SLC13A2: variants seen among roughly 807,000 people sequenced by gnomAD.
SLC13A2 encodes Na(+)-coupled citrate transporter.
In SLC13A2, 40 loss-of-function variants were observed where a neutral mutation model predicts 58.5. The ratio of observed to expected loss-of-function variants is 0.68; its 90% CI spans 0.53 to 0.89. The LOEUF (loss-of-function observed/expected upper bound fraction) is 0.89. Among genes scored for constraint, SLC13A2 ranks in the 40% least tolerant of loss-of-function variants. The probability of loss-of-function intolerance (pLI) is 0.00; values close to 1 mark genes in which losing one functional copy is unlikely to be tolerated. For missense variants in SLC13A2, 694 were observed against 772.6 expected (o/e 0.90, Z 1.21); for synonymous variants, 341 against 331.6 (o/e 1.03, Z -0.31).
intron 9 of SLC13A2, among the ~76,000 whole-genome samples, chr17:28,495,173 C>T (rs77308736): frequency 0.019 from 2,936 of 152,296 alleles, 92 homozygotes; most frequent in African/African-American, 0.067. Flanking sequence ...GGCAAGACCT[C>T]GGAGCTCTTC....
In SLC13A2 at chr17:28,497,280, A is replaced by G; in HGVS notation, c.*11A>G. 6.2e-7 allele frequency: 1 copy of G among 1,608,382 alleles called. No homozygotes were observed. The highest frequency in any genetic ancestry group is 1.1e-5 in the South Asian group (1 of 90,816). ...ACACCAAGCCCCTAGGCTGGGGCAC[A>G]GCCTGGCCATGCCCAGGAAGACCCA... On this transcript the variant is annotated 3_prime_UTR_variant, in exon 12 of 12. Transcript: ENST00000314669.
chr17:28,481,085 G>T (rs973439995), intron 1 of SLC13A2, among the ~76,000 whole-genome samples: 1 of 152,214 alleles, frequency 6.6e-6, no homozygotes, highest in Admixed American at 6.5e-5. Context: ...CCAGGAATGG[G>T]AAAGTAAGTC....
At chr17:28,482,980 A>T (rs901936139) in intron 1 of SLC13A2, among the ~76,000 whole-genome samples, 85 of 152,304 alleles carry the variant, frequency 5.6e-4, no homozygotes, top group African/African-American at 1.8e-3. Context: ...TGCCGGCAGC[A>T]TGTCCACTTG....
At chr17:28,487,157 T>C (rs765726731) in intron 1 of SLC13A2, among the ~76,000 whole-genome samples, 1 of 152,192 alleles carries the variant, frequency 6.6e-6, no homozygotes, top group Admixed American at 6.5e-5. Context: ...AGTGACATGC[T>C]TAACAGAGCC....
At position 28,496,302 on chromosome 17, in the gene SLC13A2, G is replaced by A; in HGVS notation, c.1471-148G>A. The A allele has an allele frequency of 9.5e-7, 1 of 1,056,844 alleles. No homozygotes were observed. The highest frequency in any genetic ancestry group is 1.3e-6 in the Non-Finnish European group (1 of 755,704). The allele number at this position is 1,056,844 out of a possible 1,614,324, so 65.5% of individuals were successfully genotyped here. On this transcript the variant is annotated intron_variant, in intron 10 of 11. Coordinates refer to ENST00000314669, the MANE Select transcript of SLC13A2 (RefSeq NM_003984.4). This position sits in a 1 kb window ranked among gnomAD's most constrained non-coding sequence, Gnocchi z 4.2. The stretch of plus-strand genomic sequence containing the variant: ...AAGAGGCCCTTCCAGGTCACCCAGT[G>A]CCTTCTGGGAGAAGAGGTGGGCTCA...
chr17:28,475,597 A>G (rs2068657400), intron 1 of SLC13A2, among the ~76,000 whole-genome samples: 1 of 151,998 alleles, frequency 6.6e-6, no homozygotes, highest in Admixed American at 6.6e-5. Flanking sequence ...CTACACCACA[A>G]GCGCACTTTC....
chr17:28,490,904 T>C lies in SLC13A2; in HGVS notation c.572T>C (p.Leu191Pro). 1 of 1,612,570 alleles carries C rather than the reference T, an allele frequency of 6.2e-7. No individual in the cohort carries two copies. Among genetic ancestry groups the C allele is most frequent in the Non-Finnish European group, 8.5e-7 (1 of 1,179,348 alleles). Residue 191 changes from leucine to proline, a missense_variant and splice_region_variant, in exon 4 of 12, where the codon CTT (leucine) becomes CCT (proline). Transcript: ENST00000314669. Reference protein sequence around the residue: ...EPSPQKEVTKLDNGQALPVTS... With the variant: ...EPSPQKEVTKPDNGQALPVTS... ...AGTCCCCAGAAGGAGGTGACCAAGC[T>C]TGGTGAGAAAAATGAGGCTAGACTC...
At chr17:28,479,308 G>T (rs2068742438) in intron 1 of SLC13A2, among the ~76,000 whole-genome samples, 1 of 152,226 alleles carries the variant, frequency 6.6e-6, no homozygotes, top group Admixed American at 6.5e-5. Context: ...CAGATGGGGA[G>T]AGCTTAGCAA....
rs1555599365 is a variant in SLC13A2, at chr17:28,473,720, C to A, written c.8C>A (p.Thr3Asn). ...CCCTTGCTGCTCCACACCATGGCCA[C>A]CTGCTGGCAGGCCCTGTGGGCCTAT... MA[T>N]CWQALWAYRS... Residue 3 changes from threonine to asparagine, a missense_variant, in exon 1 of 12, where the codon ACC becomes AAC. Transcript: ENST00000314669. 1.2e-6 allele frequency: 2 copies of A among 1,614,044 alleles called. No individual in the cohort carries two copies. Among genetic ancestry groups the A allele is most frequent in the Admixed American group, 3.3e-5 (2 of 60,014 alleles).
chr17:28,477,109 G>A (rs1466626825), intron 1 of SLC13A2, among the ~76,000 whole-genome samples: 65 of 151,590 alleles, frequency 4.3e-4, no homozygotes, highest in Non-Finnish European at 3.1e-4. Context: ...GCAGTGAGCT[G>A]AGATCACGCC....
At chr17:28,477,003 C>T (rs1268415638) in intron 1 of SLC13A2, among the ~76,000 whole-genome samples, 1 of 149,648 alleles carries the variant, frequency 6.7e-6, no homozygotes, top group Non-Finnish European at 1.5e-5. Flanking sequence ...TAAAAAAAAA[C>T]ACAAAAATTA....
rs2068953833 is a variant in SLC13A2, at chr17:28,489,299, C to T, written c.188C>T (p.Pro63Leu). Reference sequence around the variant, plus strand: ...CCCCTGGCCGTCACTGCCCTCTTCCCCTTAATCCTGTTCCCTATGATGGGC... The same window carrying T: ...CCCCTGGCCGTCACTGCCCTCTTCCTCTTAATCCTGTTCCCTATGATGGGC... ...ALPLAVTALF[P>L]LILFPMMGIV... The change falls in exon 2 of 12, where the codon CCC becomes CTC. Residue 63 changes from proline to leucine, a missense_variant. Physicochemically the swap from Pro to Leu is moderately conservative, Grantham distance 98 (BLOSUM62 -3). Coordinates refer to ENST00000314669, the MANE Select transcript of SLC13A2 (RefSeq NM_003984.4). 1 of 1,614,120 alleles carries T rather than the reference C, an allele frequency of 6.2e-7. No individual in the cohort carries two copies. Among genetic ancestry groups the T allele is most frequent in the South Asian group, 1.1e-5 (1 of 91,084 alleles).
chr17:28,495,606 G>C, intron 9 of SLC13A2, 49 bp from the exon 10 acceptor site: 5 of 1,579,016 alleles, frequency 3.2e-6, no homozygotes, highest in Non-Finnish European at 4.3e-6. Flanking sequence ...AGAAGACTTG[G>C]GGGCCCAGGC....
intron 1 of SLC13A2, chr17:28,487,484 G>A (rs1190811463): frequency 2.1e-6 from 2 of 945,498 alleles, no homozygotes; most frequent in South Asian, 4.9e-5. Flanking sequence ...GAAGCACATA[G>A]AATATGACGC....
At chr17:28,477,420 T>TCC (rs1167193257) in intron 1 of SLC13A2, among the ~76,000 whole-genome samples, 130 of 151,866 alleles carry the variant, frequency 8.6e-4, no homozygotes, top group African/African-American at 3.0e-3. Context: ...GGTCTTGATC[T>TCC]CCTGACCTCG....
At chr17:28,486,004 T>C (rs1366022288) in intron 1 of SLC13A2, among the ~76,000 whole-genome samples, 1 of 152,154 alleles carries the variant, frequency 6.6e-6, no homozygotes, top group Non-Finnish European at 1.5e-5. Flanking sequence ...AAAAAAAATT[T>C]TTTTTAATTA....
chr17:28,482,552 C>T (rs927556251), intron 1 of SLC13A2, among the ~76,000 whole-genome samples: 1 of 152,168 alleles, frequency 6.6e-6, no homozygotes, highest in African/African-American at 2.4e-5. Context: ...TTTTAAACCG[C>T]GTGTGGTAGT....
chr17:28,479,573 A>T (rs1357012342), intron 1 of SLC13A2, among the ~76,000 whole-genome samples: 1 of 152,256 alleles, frequency 6.6e-6, no homozygotes, highest in Non-Finnish European at 1.5e-5. Flanking sequence ...GGCATCTGTA[A>T]AAACAGTCTC....
At chr17:28,492,530 G>A (rs1721403059) in intron 6 of SLC13A2, among the ~76,000 whole-genome samples, 2 of 152,342 alleles carry the variant, frequency 1.3e-5, no homozygotes, top group South Asian at 4.1e-4. Context: ...GTGTTCGAGG[G>A]AACTCTAGTT....
Sources: gnomAD v4.1 joint callset for allele counts (sites outside exome capture counted in the v4.1 genomes callset) on GRCh38, gnomAD v4.1.1 for gene constraint, Gnocchi (gnomAD v3.1) non-coding constraint, MANE v1.5 for transcripts, NCBI Gene and HGNC (gene_info 2026-07-23, HGNC 2026-07-21) for gene names.